Variants in ACTC1 observed in about 807,000 individuals in gnomAD.
ACTC1 encodes the protein actin, alpha cardiac muscle 1.
ACTC1 carries 10 observed loss-of-function variants against 31.6 expected under a neutral mutation model. The ratio of observed to expected loss-of-function variants is 0.32; its 90% CI spans 0.19 to 0.54. The LOEUF (loss-of-function observed/expected upper bound fraction) is 0.54. Ranked by LOEUF, ACTC1 falls within the 20% of genes least tolerant of loss-of-function variation. The pLI is 0.95. For synonymous variants in ACTC1, 196 were observed against 185.0 expected (o/e 1.06, Z -0.48); for missense variants, 129 against 506.4 (o/e 0.25, Z 7.15).
chr15:34,794,530 G>A (rs1891773234), intron 2 of ACTC1, 150 bp downstream of exon 2: 10 of 1,217,142 alleles, frequency 8.2e-6, no homozygotes, highest in Non-Finnish European at 1.1e-6. Context: ...GTGGAGTATT[G>A]CTTGCCTTGG....
chr15:34,792,374 C>A lies in ACTC1; in HGVS notation c.616+34G>T. Reference sequence around the variant, plus strand: ...TTCAGTGAGAGAGGAGGAAAGCAGACCCACACTGTGGCAGATGAGACACAC... The same window carrying A: ...TTCAGTGAGAGAGGAGGAAAGCAGAACCACACTGTGGCAGATGAGACACAC... On this transcript the variant is annotated intron_variant, in intron 4 of 6. Transcript: ENST00000290378. The surrounding 1 kb of genome is among the most constrained non-coding windows in gnomAD (Gnocchi z 5.3). The A allele has an allele frequency of 6.2e-7, 1 of 1,614,116 alleles. No homozygotes were observed. The highest frequency in any genetic ancestry group is 8.5e-7 in the Non-Finnish European group (1 of 1,179,996).
rs768169477 is a variant in ACTC1 at position 34,793,330 on chromosome 15, C to T, written c.369G>A (p.Gln123=). 1.2e-5 allele frequency: 19 copies of T among 1,614,076 alleles called. No individual in the cohort carries two copies. The Admixed American group carries it at 3.0e-4, about 25-fold the overall frequency. The change falls in exon 3 of 7, where the codon CAG becomes CAA. Residue 123 remains glutamine (Q), a synonymous_variant. Coordinates refer to ENST00000290378, the MANE Select transcript of ACTC1 (RefSeq NM_005159.5). This position sits in a 1 kb window ranked among gnomAD's most constrained non-coding sequence, Gnocchi z 4.8. ...GGACATTGAAGGTCTCAAACATGAT[C>T]TGAGTCATCTTCTCCCGGTTGGCCT... is the stretch of plus-strand genomic sequence containing the variant. ...NPKANREKMT[Q]IMFETFNVPA... is the part of the protein sequence containing the mutation.
intron 6 of ACTC1, 55 bp from the exon 7 acceptor site, chr15:34,790,610 C>G (rs1891684706): frequency 1.3e-6 from 2 of 1,599,948 alleles, no homozygotes; most frequent in Non-Finnish European, 8.6e-7. Flanking sequence ...AGCAAGGGAG[C>G]AAATAACACA....
chr15:34,793,786 A>G lies in ACTC1; in HGVS notation c.130-217T>C, dbSNP rs1353008699. On this transcript the variant is annotated intron_variant, in intron 2 of 6. Coordinates refer to ENST00000290378, the MANE Select transcript of ACTC1 (RefSeq NM_005159.5). The surrounding 1 kb of genome is among the most constrained non-coding windows in gnomAD (Gnocchi z 4.8). ...AAGATGTATAATTCTATTGTTGAGA[A>G]TATAACTCAGGAGAGAATGAAGCTA... 2.0e-5 allele frequency among the ~76,000 whole-genome samples: 3 copies of G among 152,226 alleles called. No homozygotes were observed. The highest frequency in any genetic ancestry group is 4.4e-5 in the Non-Finnish European group (3 of 68,036).
Position 34,794,829 on chromosome 15 carries a change from T to C in ACTC1, c.-21A>G, listed in dbSNP as rs771314720. The C allele has an allele frequency of 6.2e-7, 1 of 1,609,426 alleles. No individual in the cohort carries two copies. The highest frequency in any genetic ancestry group is 1.1e-5 in the South Asian group (1 of 90,838). On this transcript the variant is annotated splice_region_variant and 5_prime_UTR_variant, in exon 2 of 7. Coordinates refer to ENST00000290378, the MANE Select transcript of ACTC1 (RefSeq NM_005159.5). ...CACATCTTGGCACAGCTTCAGGGGG[T>C]TCTGCAGGTTGAGGAGGGGAGGGCG...
Position 34,793,399 on chromosome 15 carries a change from G to C in ACTC1, c.300C>G (p.Pro100=), listed in dbSNP as rs141322728. 7 of 1,613,986 alleles carry C rather than the reference G, an allele frequency of 4.3e-6. No homozygotes were observed. The highest frequency in any genetic ancestry group is 2.2e-5 in the East Asian group (1 of 44,890). ...CTGTGAGCAGGGTGGGGTGCTCCTC[G>C]GGAGCCACACGGAGCTCATTGTAGA... ...HTFYNELRVA[P]EEHPTLLTEA... The change falls in exon 3 of 7, where the codon CCC becomes CCG. Residue 100 remains proline, a synonymous_variant. Transcript: ENST00000290378. The surrounding 1 kb of genome is among the most constrained non-coding windows in gnomAD (Gnocchi z 4.8).
At chr15:34,791,661 C>T in intron 5 of ACTC1, 1 of 330,786 alleles carries the variant, frequency 3.0e-6, no homozygotes, top group Non-Finnish European at 5.6e-6. Context: ...GACAAAGTTC[C>T]TTATGGAAAG....
chr15:34,792,291 T>C lies in ACTC1; in HGVS notation c.617-10A>G, dbSNP rs751985418. The C allele has an allele frequency of 1.1e-5, 17 of 1,613,982 alleles. No individual in the cohort carries two copies. Among genetic ancestry groups the C allele is most frequent in the Non-Finnish European group, 1.4e-5 (17 of 1,180,034 alleles). ...ACAATTTCACGTTCAGCTACAGAAA[T>C]AAAGAGTATCACAGTCATGCTCTGA... On this transcript the variant is annotated splice_polypyrimidine_tract_variant and intron_variant, in intron 4 of 6. Transcript: ENST00000290378. This position sits in a 1 kb window ranked among gnomAD's most constrained non-coding sequence, Gnocchi z 5.3.
chr15:34,793,579 G>GA lies in ACTC1; in HGVS notation c.130-11dup, dbSNP rs2140432284. The GA allele has an allele frequency of 3.1e-6, 5 of 1,611,584 alleles. No homozygotes were observed. The highest frequency in any genetic ancestry group is 4.2e-6 in the Non-Finnish European group (5 of 1,178,092). ...TACCCACCATAACTCCCTATGAGAAGAAAAAATGAGAAAATCATGCTCTCA... is the reference window on the plus strand; with the variant it reads ...TACCCACCATAACTCCCTATGAGAAGAAAAAAATGAGAAAATCATGCTCTCA... On this transcript the variant is annotated splice_polypyrimidine_tract_variant and intron_variant, in intron 2 of 6. Coordinates refer to ENST00000290378, the MANE Select transcript of ACTC1 (RefSeq NM_005159.5). This position sits in a 1 kb window ranked among gnomAD's most constrained non-coding sequence, Gnocchi z 4.8.
intron 1 of ACTC1, 141 bp from the exon 2 acceptor site, chr15:34,794,971 CCTTCCCCT>C: frequency 1.2e-6 from 1 of 859,324 alleles, no homozygotes; most frequent in South Asian, 2.3e-5. Context: ...CTGCCACCTC[CCTTCCCCT>C]CGAATCATAA....
At chr15:34,791,621 A>C in intron 5 of ACTC1, 1 of 367,860 alleles carries the variant, frequency 2.7e-6, no homozygotes, top group Non-Finnish European at 5.0e-6. Flanking sequence ...AATGAATGTA[A>C]TTTTTGTTTA....
Position 34,792,886 on chromosome 15 carries a change from TAC to T in ACTC1, c.455-319_455-318del. ...TGTTTTTCTTTGCTCCTATTGAACT[TAC>T]ACGTTTCTCTCTCTTTTGACTCAGA... On this transcript the variant is annotated intron_variant, in intron 3 of 6. Transcript: ENST00000290378. The surrounding 1 kb of genome is among the most constrained non-coding windows in gnomAD (Gnocchi z 5.3). 2.0e-6 allele frequency: 1 copy of T among 505,212 alleles called. No individual in the cohort carries two copies. The highest frequency in any genetic ancestry group is 3.6e-6 in the Non-Finnish European group (1 of 278,944). The allele number at this position is 505,212 out of a possible 1,614,324, so 31.3% of individuals were successfully genotyped here.
At position 34,793,459 on chromosome 15, in the gene ACTC1, G is replaced by A. The variant is rs1178754602; in HGVS notation, c.240C>T (p.Asn80=). 6.8e-6 allele frequency: 11 copies of A among 1,614,048 alleles called. No individual in the cohort carries two copies. The highest frequency in any genetic ancestry group is 4.0e-5 in the African/African-American group (3 of 74,914). ...GCCAGATCTTCTCCATGTCGTCCCA[G>A]TTGGTGATGATACCATGCTCGATGG... ...KYPIEHGIIT[N]WDDMEKIWHH... Residue 80 remains asparagine, a synonymous_variant, in exon 3 of 7, where the codon AAC becomes AAT. Coordinates refer to ENST00000290378, the MANE Select transcript of ACTC1 (RefSeq NM_005159.5). The surrounding 1 kb of genome is among the most constrained non-coding windows in gnomAD (Gnocchi z 4.8).
Position 34,790,324 on chromosome 15 carries a change from A to C in ACTC1, c.*88T>G, listed in dbSNP as rs1460283770. The C allele has an allele frequency of 4.7e-6, 7 of 1,504,456 alleles. No individual in the cohort carries two copies. In the African/African-American group the frequency reaches 9.6e-5, roughly 21 times the overall value. The allele number at this position is 1,504,456 out of a possible 1,614,324, so 93.2% of individuals were successfully genotyped here. Reference sequence around the variant, plus strand: ...GTGTAAACAAACTGTACAATGATTGATGAAAGATGAGGGAAGGTGGTTTGG... The same window carrying C: ...GTGTAAACAAACTGTACAATGATTGCTGAAAGATGAGGGAAGGTGGTTTGG... On this transcript the variant is annotated 3_prime_UTR_variant, in exon 7 of 7. Coordinates refer to ENST00000290378, the MANE Select transcript of ACTC1 (RefSeq NM_005159.5).
chr15:34,791,190 G>A lies in ACTC1; in HGVS notation c.914C>T (p.Thr305Ile), dbSNP rs1891696768. 1 of 1,614,008 alleles carries A rather than the reference G, an allele frequency of 6.2e-7. No homozygotes were observed. Among genetic ancestry groups the A allele is most frequent in the Non-Finnish European group, 8.5e-7 (1 of 1,179,994 alleles). ...ATCAGCAATACCAGGGTACATAGTGGTGCCTCCAGATAAGACATTGTTGGC... is the reference window on the plus strand; with the variant it reads ...ATCAGCAATACCAGGGTACATAGTGATGCCTCCAGATAAGACATTGTTGGC... ...LYANNVLSGG[T>I]TMYPGIADRM... Residue 305 changes from threonine (T) to isoleucine (I), a missense_variant, in exon 6 of 7, where the codon ACC becomes ATC. By Grantham distance (89) the Thr-to-Ile change is moderately conservative. Around this residue, in one of 5 missense-constraint regions of ACTC1, gnomAD observed 44 missense variants for 127.4 expected, o/e 0.35. Transcript: ENST00000290378.
In ACTC1 at chr15:34,793,479, C is replaced by T. The variant is rs1352413131; in HGVS notation, c.220G>A (p.Glu74Lys). 1 of 1,614,120 alleles carries T rather than the reference C, an allele frequency of 6.2e-7. No individual in the cohort carries two copies. ...TCCCAGTTGGTGATGATACCATGCT[C>T]GATGGGATACTTCAGGGTCAGGATG... ...RGILTLKYPI[E>K]HGIITNWDDM... Residue 74 changes from glutamate to lysine, a missense_variant, in exon 3 of 7, where the codon GAG becomes AAG. Glu to Lys is a moderately conservative substitution (Grantham distance 56, BLOSUM62 1). Coordinates refer to ENST00000290378, the MANE Select transcript of ACTC1 (RefSeq NM_005159.5). The surrounding 1 kb of genome is among the most constrained non-coding windows in gnomAD (Gnocchi z 4.8).
chr15:34,794,559 C>A, intron 2 of ACTC1, 121 bp downstream of exon 2: 2 of 1,372,268 alleles, frequency 1.5e-6, no homozygotes, highest in Non-Finnish European at 1.9e-6. Context: ...TGAAGTCAAT[C>A]AGCCTTCTCT....
Position 34,794,815 on chromosome 15 carries a change from A to G in ACTC1, c.-7T>C. 6.2e-7 allele frequency: 1 copy of G among 1,612,922 alleles called. No individual in the cohort carries two copies. Among genetic ancestry groups the G allele is most frequent in the Non-Finnish European group, 8.5e-7 (1 of 1,179,274 alleles). ...TCTCCTCGTCGTCACACATCTTGGC[A>G]CAGCTTCAGGGGGTTCTGCAGGTTG... On this transcript the variant is annotated 5_prime_UTR_variant, in exon 2 of 7. Coordinates refer to ENST00000290378, the MANE Select transcript of ACTC1 (RefSeq NM_005159.5).
rs863225303 is a variant in ACTC1 at position 34,791,210 on chromosome 15, G to A, written c.894C>T (p.Asn298=). 6.2e-7 allele frequency: 1 copy of A among 1,613,902 alleles called. No homozygotes were observed. The highest frequency in any genetic ancestry group is 1.7e-4 in the Middle Eastern group (1 of 6,058). Residue 298 remains asparagine (N), a synonymous_variant, in exon 6 of 7, where the codon AAC becomes AAT. Transcript: ENST00000290378. ...TAGTGGTGCCTCCAGATAAGACATT[G>A]TTGGCATACAGGTCCTTGCGGATAT... ...DIDIRKDLYA[N]NVLSGGTTMY...
Sources: allele counts gnomAD v4.1 joint callset (sites outside exome capture counted in the v4.1 genomes callset), GRCh38; gene constraint gnomAD v4.1.1; regional missense constraint gnomAD v4.1.1; non-coding constraint Gnocchi (gnomAD v3.1); transcripts MANE v1.5; gene names NCBI Gene and HGNC (gene_info 2026-07-23, HGNC 2026-07-21).